Variants in APP observed in about 807,000 individuals in gnomAD.
The protein encoded by APP is amyloid beta precursor protein, also known as amyloid-beta precursor protein.
In APP, 31 loss-of-function variants were observed where a neutral mutation model predicts 101.4. The ratio of observed to expected loss-of-function variants is 0.31; its 90% CI spans 0.23 to 0.41. The LOEUF (loss-of-function observed/expected upper bound fraction) is 0.41, where lower values mean the gene tolerates loss of function less well. Among genes scored for constraint, APP ranks in the 10% least tolerant of loss-of-function variants. APP has a pLI of 1.00. For synonymous variants in APP, 366 were observed against 364.4 expected, an observed-to-expected ratio of 1.00 and a Z score of -0.05; for missense variants, 839 against 1,003.7, an observed-to-expected ratio of 0.84 and a Z score of 2.22.
chr21:25,906,483 C>T (rs374964863), intron 14 of APP, among the ~76,000 whole-genome samples: 1 of 152,230 alleles, frequency 6.6e-6, no homozygotes, highest in Non-Finnish European at 1.5e-5. Context: ...CTGTTTGAGA[C>T]CCTACCAGAT....
At chr21:25,909,099 T>C (rs1694811191) in intron 14 of APP, among the ~76,000 whole-genome samples, 1 of 151,636 alleles carries the variant, frequency 6.6e-6, no homozygotes, top group South Asian at 2.1e-4. Flanking sequence ...CTATCTCTAG[T>C]AAAAATACAA....
At chr21:25,903,068 A>AT (rs869224981) in intron 15 of APP, among the ~76,000 whole-genome samples, 2 of 121,110 alleles carry the variant, frequency 1.7e-5, no homozygotes, top group Admixed American at 9.5e-5. Context: ...ATTAAAAAAA[A>AT]TTTTTTTTAA....
chr21:25,894,484 G>A (rs1416757117), intron 16 of APP, among the ~76,000 whole-genome samples: 1 of 152,162 alleles, frequency 6.6e-6, no homozygotes, highest in Non-Finnish European at 1.5e-5. Context: ...AATAACGGGA[G>A]TTTGGAAGAC....
At chr21:26,013,478 CACA>C (rs2146738012) in intron 6 of APP, among the ~76,000 whole-genome samples, 1 of 69,304 alleles carries the variant, frequency 1.4e-5, no homozygotes, top group South Asian at 5.4e-4. Flanking sequence ...GAGGCATCTG[CACA>C]CTTTTTTTTT....
At chr21:26,103,728 C>T (rs1023951823) in intron 2 of APP, among the ~76,000 whole-genome samples, 25 of 152,218 alleles carry the variant, frequency 1.6e-4, no homozygotes, top group Admixed American at 9.8e-4. Context: ...TGCCCATTAC[C>T]GCTCCAATCT....
intron 8 of APP, among the ~76,000 whole-genome samples, chr21:25,993,376 T>C (rs1236389899): frequency 6.6e-6 from 1 of 152,182 alleles, no homozygotes; most frequent in Non-Finnish European, 1.5e-5. Flanking sequence ...TCCTCCAGCA[T>C]ATCCTGGGAT....
intron 2 of APP, among the ~76,000 whole-genome samples, chr21:26,100,321 T>C (rs997692332): frequency 3.9e-5 from 6 of 152,192 alleles, no homozygotes; most frequent in Non-Finnish European, 7.3e-5. Flanking sequence ...GATCCCTCCA[T>C]TCAAAAACTG....
At chr21:25,961,904 A>ATT (rs56762084) in intron 11 of APP, among the ~76,000 whole-genome samples, 1 of 147,618 alleles carries the variant, frequency 6.8e-6, no homozygotes, top group African/African-American at 2.5e-5. Context: ...TTTAAGAAAC[A>ATT]TTTTTTTTTT....
intron 11 of APP, among the ~76,000 whole-genome samples, chr21:25,962,968 T>C (rs1386299490): frequency 6.6e-6 from 1 of 151,932 alleles, no homozygotes; most frequent in Non-Finnish European, 1.5e-5. Flanking sequence ...GCGTGCACCC[T>C]CACACCGACC....
intron 3 of APP, among the ~76,000 whole-genome samples, chr21:26,084,228 T>G (rs78755480): frequency 7.7e-4 from 7 of 9,064 alleles, no homozygotes; most frequent in Non-Finnish European, 4.5e-4. Context: ...AAGGGCTCCA[T>G]TTTTTTTTTT....
intron 6 of APP, among the ~76,000 whole-genome samples, chr21:26,010,126 C>T (rs369300609): frequency 1.3e-5 from 2 of 151,122 alleles, no homozygotes; most frequent in East Asian, 3.9e-4. Flanking sequence ...CAGCTGGGAA[C>T]AGCAGTGTCT....
intron 13 of APP, among the ~76,000 whole-genome samples, chr21:25,928,138 A>T (rs969903061): frequency 1.3e-5 from 2 of 152,090 alleles, no homozygotes; most frequent in Non-Finnish European, 2.9e-5. Flanking sequence ...AGGTCAGGAG[A>T]TCGACACCAT....
chr21:26,037,213 G>T (rs1002472517), intron 5 of APP, among the ~76,000 whole-genome samples: 1 of 152,170 alleles, frequency 6.6e-6, no homozygotes, highest in African/African-American at 2.4e-5. Flanking sequence ...TGGAGGCTGG[G>T]AAGGGTAGGT....
At chr21:26,004,096 C>T (rs576245793) in intron 6 of APP, among the ~76,000 whole-genome samples, 40 of 152,266 alleles carry the variant, frequency 2.6e-4, no homozygotes, top group African/African-American at 9.1e-4. Context: ...ATGTATGATG[C>T]TAATGCTTTT....
intron 13 of APP, among the ~76,000 whole-genome samples, chr21:25,946,788 A>G (rs774580264): frequency 6.6e-6 from 1 of 152,250 alleles, no homozygotes; most frequent in African/African-American, 2.4e-5. Flanking sequence ...AAAATAATCC[A>G]TAACAAACCA....
intron 5 of APP, among the ~76,000 whole-genome samples, chr21:26,028,897 T>C (rs907423990): frequency 2.6e-5 from 4 of 152,118 alleles, no homozygotes; most frequent in African/African-American, 9.7e-5. Flanking sequence ...AATGAATGAC[T>C]ATGATAGATG....
chr21:26,003,936 C>G (rs1379224165), intron 6 of APP, among the ~76,000 whole-genome samples: 1 of 152,182 alleles, frequency 6.6e-6, no homozygotes, highest in Non-Finnish European at 1.5e-5. Flanking sequence ...TATTCCTACT[C>G]TACTACAGGG....
chr21:25,988,864 T>C (rs1291899120), intron 8 of APP, among the ~76,000 whole-genome samples: 4 of 152,110 alleles, frequency 2.6e-5, no homozygotes, highest in African/African-American at 4.8e-5. Flanking sequence ...GAACTGAATA[T>C]GAAAACGGGA....
chr21:26,110,634 T>G (rs2062295686), intron 2 of APP, among the ~76,000 whole-genome samples: 1 of 152,146 alleles, frequency 6.6e-6, no homozygotes, highest in Non-Finnish European at 1.5e-5. Context: ...GCTTGTCCTT[T>G]CTTAAACAGA....
Sources: allele counts gnomAD v4.1 joint callset (sites outside exome capture counted in the v4.1 genomes callset), GRCh38; gene constraint gnomAD v4.1.1; transcripts MANE v1.5; gene names NCBI Gene and HGNC (gene_info 2026-07-23, HGNC 2026-07-21).